Variants in EBI3 observed in about 807,000 individuals in gnomAD.
EBI3 encodes Epstein-Barr virus induced 3, also known as interleukin-27 subunit beta.
A neutral mutation model predicts 21.3 loss-of-function variants in EBI3; 19 were observed. The ratio of observed to expected loss-of-function variants is 0.89; its 90% CI spans 0.62 to 1.31. EBI3 has a LOEUF of 1.31. Ranked by LOEUF, EBI3 falls within the 50% of genes most tolerant of loss-of-function variation. EBI3 has a pLI of 0.00. For synonymous variants in EBI3, 154 were observed against 131.2 expected, an observed-to-expected ratio of 1.17 and a Z score of -1.19; for missense variants, 331 against 314.0, an observed-to-expected ratio of 1.05 and a Z score of -0.41.
chr19:4,236,591 T>C (rs1374927784), intron 4 of EBI3, among the ~76,000 whole-genome samples: 1 of 141,010 alleles, frequency 7.1e-6, no homozygotes, highest in African/African-American at 2.7e-5. Context: ...TATGGGGTCC[T>C]ATCCCAGAGG....
chr19:4,232,252 AAAAG>A (rs1970791714), intron 2 of EBI3, among the ~76,000 whole-genome samples: 1 of 108,184 alleles, frequency 9.2e-6, no homozygotes, highest in African/African-American at 5.2e-5. Context: ...AAAAGAAAAG[AAAAG>A]AAAAGAAAAG....
chr19:4,232,520 C>T (rs1465070563), intron 2 of EBI3, among the ~76,000 whole-genome samples: 1 of 150,844 alleles, frequency 6.6e-6, no homozygotes, highest in Non-Finnish European at 1.5e-5. Flanking sequence ...AAGTTCAAGA[C>T]CAGCCTGGGC....
In EBI3 at chr19:4,234,891, T is replaced by C. The variant is rs1970823649; in HGVS notation, c.537+67T>C. 2.5e-6 allele frequency: 4 copies of C among 1,585,648 alleles called. No individual in the cohort carries two copies. The Admixed American group carries it at 5.2e-5, about 21-fold the overall frequency. On this transcript the variant is annotated intron_variant, in intron 4 of 4. Transcript: ENST00000221847. ...CAGAGGGAATGGTTTTTACCAAGAC[T>C]AGCAGGTGTGCTGGGCTCTTGCACA...
rs1475646172 is a variant in EBI3, at chr19:4,237,186, C to T, written c.*98C>T. The T allele has an allele frequency of 1.5e-6, 2 of 1,365,990 alleles. No homozygotes were observed. Among genetic ancestry groups the T allele is most frequent in the Non-Finnish European group, 1.9e-6 (2 of 1,051,510 alleles). The allele number at this position is 1,365,990 out of a possible 1,614,324, so 84.6% of individuals were successfully genotyped here. Reference sequence around the variant, plus strand: ...GCGGATGGGATCTGCCTAGCCTGGGCTGGAGTCCTTGCTTTGCTGCTGCTG... The same window carrying T: ...GCGGATGGGATCTGCCTAGCCTGGGTTGGAGTCCTTGCTTTGCTGCTGCTG... On this transcript the variant is annotated 3_prime_UTR_variant, in exon 5 of 5. Transcript: ENST00000221847.
chr19:4,236,853 GCA>G, intron 4 of EBI3, 81 bp from the exon 5 acceptor site: 1 of 1,386,608 alleles, frequency 7.2e-7, no homozygotes, highest in Non-Finnish European at 9.5e-7. Context: ...AGGGAGGACT[GCA>G]CGCTCCGTTG....
chr19:4,234,701 C>A lies in EBI3; in HGVS notation c.414C>A (p.Ser138Arg). ...KPDPPEGVRLSPLAERQLQVQ... is the reference protein window; with the variant it reads ...KPDPPEGVRLRPLAERQLQVQ... ...ACCCTCCAGAAGGCGTGCGCCTAAG[C>A]CCCCTCGCTGAGCGCCAGCTACAGG... is the stretch of plus-strand genomic sequence containing the variant. Residue 138 changes from serine (S) to arginine (R), a missense_variant, in exon 4 of 5, where the codon AGC (serine) becomes AGA (arginine). Coordinates refer to ENST00000221847, the MANE Select transcript of EBI3 (RefSeq NM_005755.3). 1.2e-6 allele frequency: 2 copies of A among 1,614,100 alleles called. No homozygotes were observed. Among genetic ancestry groups the A allele is most frequent in the East Asian group, 2.2e-5 (1 of 44,882 alleles).
Position 4,234,762 on chromosome 19 carries a change from G to C in EBI3, c.475G>C (p.Glu159Gln). The C allele has an allele frequency of 6.2e-7, 1 of 1,614,150 alleles. No homozygotes were observed. The highest frequency in any genetic ancestry group is 1.1e-5 in the South Asian group (1 of 91,084). ...WEPPGSWPFP[E>Q]IFSLKYWIRY... ...GCCTCCCGGGTCCTGGCCCTTCCCA[G>C]AGATCTTCTCACTGAAGTACTGGAT... Residue 159 changes from glutamate (E) to glutamine (Q), a missense_variant, in exon 4 of 5, where the codon GAG (glutamate) becomes CAG (glutamine). Glu to Gln is a conservative substitution (Grantham distance 29). Transcript: ENST00000221847.
chr19:4,233,459 T>A, intron 3 of EBI3, 152 bp downstream of exon 3: 1 of 895,356 alleles, frequency 1.1e-6, no homozygotes, highest in Non-Finnish European at 1.6e-6. Flanking sequence ...TACCAGTACG[T>A]GGAGCACCCC....
chr19:4,232,970 G>T (rs1490034468), intron 2 of EBI3, 159 bp from the exon 3 acceptor site: 14 of 766,200 alleles, frequency 1.8e-5, no homozygotes, highest in Non-Finnish European at 2.5e-5. Flanking sequence ...CTGCCCCCGG[G>T]GGGTGGCACG....
Position 4,231,304 on chromosome 19 carries a change from T to G in EBI3, c.181T>G (p.Ser61Ala), listed in dbSNP as rs1190729004. 2 of 1,611,770 alleles carry G rather than the reference T, an allele frequency of 1.2e-6. No homozygotes were observed. Among genetic ancestry groups the G allele is most frequent in the African/African-American group, 2.7e-5 (2 of 74,660 alleles). ...TGCTCCAAACTCCACCAGCCCCGTG[T>G]CCTTCATTGCCACGTACAGGTCGGA... ...PPAPNSTSPVSFIATYRLGMA... is the reference protein window; with the variant it reads ...PPAPNSTSPVAFIATYRLGMA... The change falls in exon 2 of 5, where the codon TCC becomes GCC. Residue 61 changes from serine (S) to alanine (A), a missense_variant. By Grantham distance (99) the Ser-to-Ala change is moderately conservative (BLOSUM62 1). Coordinates refer to ENST00000221847, the MANE Select transcript of EBI3 (RefSeq NM_005755.3).
At chr19:4,233,108 A>G (rs1459112872) in intron 2 of EBI3, 21 bp from the exon 3 acceptor site, 1 of 1,553,464 alleles carries the variant, frequency 6.4e-7, no homozygotes, top group South Asian at 1.2e-5. Flanking sequence ...TGAGGCGCTC[A>G]GCGAGCCCCA....
At chr19:4,235,778 CATT>C (rs1240909045) in intron 4 of EBI3, among the ~76,000 whole-genome samples, 1 of 151,946 alleles carries the variant, frequency 6.6e-6, no homozygotes, top group Non-Finnish European at 1.5e-5. Flanking sequence ...AAAATTTAAA[CATT>C]AGTTGGGTGT....
chr19:4,235,687 A>C (rs564360688), intron 4 of EBI3, among the ~76,000 whole-genome samples: 9 of 151,586 alleles, frequency 5.9e-5, no homozygotes, highest in African/African-American at 2.2e-4. Flanking sequence ...CAGCACTTTG[A>C]GAGGCCAAGT....
At chr19:4,233,362 C>G in intron 3 of EBI3, 55 bp downstream of exon 3, 1 of 1,513,480 alleles carries the variant, frequency 6.6e-7, no homozygotes, top group East Asian at 2.4e-5. Context: ...CTTCCAGCTC[C>G]CCCCACCCCA....
Position 4,231,334 on chromosome 19 carries a change from C to T in EBI3, c.200+11C>T. 1 of 1,598,412 alleles carries T rather than the reference C, an allele frequency of 6.3e-7. No homozygotes were observed. The stretch of plus-strand genomic sequence containing the variant: ...CATTGCCACGTACAGGTCGGAGAGC[C>T]TGGAAGGGGGCCTCAGGGACACTGG... On this transcript the variant is annotated intron_variant, in intron 2 of 4. Transcript: ENST00000221847.
chr19:4,230,216 G>T (rs1428038573), intron 1 of EBI3, among the ~76,000 whole-genome samples: 3 of 152,076 alleles, frequency 2.0e-5, no homozygotes, highest in Non-Finnish European at 4.4e-5. Context: ...GAGCCACCGC[G>T]CCCGGCCGAC....
At position 4,231,097 on chromosome 19, in the gene EBI3, G is replaced by C. The variant is rs1042802163; in HGVS notation, c.68-94G>C. 1.0e-5 allele frequency: 15 copies of C among 1,445,438 alleles called. No individual in the cohort carries two copies. The African/African-American group carries it at 1.9e-4, about 18-fold the overall frequency. The allele number at this position is 1,445,438 out of a possible 1,614,324, so 89.5% of individuals were successfully genotyped here. A position where few individuals can be genotyped will look rare whatever the true frequency, so the allele number is the denominator to read the frequency against. ...TTATTAGGCACCTACCATGTACCTG[G>C]TGCTGGCTGGCAACGTGGCAGGAGC... On this transcript the variant is annotated intron_variant, in intron 1 of 4. Transcript: ENST00000221847.
At chr19:4,232,858 T>C (rs1970801878) in intron 2 of EBI3, among the ~76,000 whole-genome samples, 1 of 152,216 alleles carries the variant, frequency 6.6e-6, no homozygotes, top group South Asian at 2.1e-4. Flanking sequence ...GAATGAATGC[T>C]GACATCCCAG....
At position 4,236,936 on chromosome 19, in the gene EBI3, G is replaced by A. The variant is rs1396015521; in HGVS notation, c.538G>A (p.Val180Met). ...KRQGAARFHR[V>M]GPIEATSFIL... ...GACCTGACGCTCTCTCTTCTCTCAG[G>A]TGGGGCCCATTGAAGCCACGTCCTT... Residue 180 changes from valine to methionine, a missense_variant and splice_region_variant, in exon 5 of 5, where the codon GTG becomes ATG. Val to Met is a conservative substitution (Grantham distance 21, BLOSUM62 1). Coordinates refer to ENST00000221847, the MANE Select transcript of EBI3 (RefSeq NM_005755.3). The A allele has an allele frequency of 6.7e-7, 1 of 1,499,058 alleles. No individual in the cohort carries two copies. Among genetic ancestry groups the A allele is most frequent in the Admixed American group, 2.2e-5 (1 of 45,696 alleles). 92.9% of individuals were successfully genotyped at this position (1,499,058 alleles called of 1,614,324 possible).
Sources: allele counts gnomAD v4.1 joint callset (sites outside exome capture counted in the v4.1 genomes callset), GRCh38; gene constraint gnomAD v4.1.1; transcripts MANE v1.5; gene names NCBI Gene and HGNC (gene_info 2026-07-23, HGNC 2026-07-21).